Variants in LRP1B observed in about 807,000 individuals in gnomAD.
LRP1B encodes the protein LDL receptor related protein 1B, also known as low-density lipoprotein receptor-related protein 1B.
LRP1B carries 217 observed loss-of-function variants against 556.6 expected under a neutral mutation model. The observed-to-expected ratio is 0.39, with a 90% CI of 0.35 to 0.44. The LOEUF is 0.44. Among genes scored for constraint, LRP1B ranks in the 20% least tolerant of loss-of-function variants. LRP1B has a pLI of 1.00. For synonymous variants in LRP1B, 2,047 were observed against 1,865.8 expected (o/e 1.10, Z -2.50); for missense variants, 5,053 against 5,620.8 (o/e 0.90, Z 3.23).
chr2:141,770,480 C>T (rs1023902427), intron 2 of LRP1B, among the ~76,000 whole-genome samples: 2 of 152,196 alleles, frequency 1.3e-5, no homozygotes, highest in African/African-American at 4.8e-5. Context: ...TACCCTGAGT[C>T]ATTTCACTAA....
chr2:140,274,558 G>T lies in LRP1B; in HGVS notation c.13008C>A (p.Thr4336=), dbSNP rs1682592350. 1.9e-6 allele frequency: 3 copies of T among 1,612,132 alleles called. No homozygotes were observed. The highest frequency in any genetic ancestry group is 2.5e-6 in the Non-Finnish European group (3 of 1,178,982). The change falls in exon 85 of 91, where the codon ACC becomes ACA. Residue 4336 remains threonine (T), a synonymous_variant. Transcript: ENST00000389484. The part of the protein sequence containing the change: ...HHYCVNSESC[T]IGDDGSVECV... ...ATTCAACACTTCCATCATCCCCAATGGTACATGATTCAGAATTCACACAAT... is the reference window on the plus strand; with the variant it reads ...ATTCAACACTTCCATCATCCCCAATTGTACATGATTCAGAATTCACACAAT...
At chr2:141,259,322 C>T (rs1263801731) in intron 3 of LRP1B, among the ~76,000 whole-genome samples, 1 of 151,984 alleles carries the variant, frequency 6.6e-6, no homozygotes, top group Admixed American at 6.6e-5. Context: ...TAATTTCAGG[C>T]TATATGAGTG....
intron 35 of LRP1B, among the ~76,000 whole-genome samples, chr2:140,749,780 G>C (rs1688506574): frequency 6.6e-6 from 1 of 152,064 alleles, no homozygotes; most frequent in Non-Finnish European, 1.5e-5. Context: ...AACAAGTACA[G>C]TTAATACATA....
intron 2 of LRP1B, among the ~76,000 whole-genome samples, chr2:141,808,764 A>G (rs529732100): frequency 6.6e-6 from 1 of 152,044 alleles, no homozygotes; most frequent in Non-Finnish European, 1.5e-5. Context: ...CACCCTACCT[A>G]GCCCCTGGCA....
chr2:141,018,962 T>G (rs373603809), intron 12 of LRP1B, among the ~76,000 whole-genome samples: 10 of 152,188 alleles, frequency 6.6e-5, no homozygotes, highest in African/African-American at 2.4e-4. Flanking sequence ...ACAATATGTA[T>G]TTTTTGTATG....
At chr2:141,977,319 C>T (rs775849820) in intron 1 of LRP1B, among the ~76,000 whole-genome samples, 5 of 152,130 alleles carry the variant, frequency 3.3e-5, no homozygotes, top group African/African-American at 1.2e-4. Context: ...CGACTATAAT[C>T]CCAGCACTTT....
At chr2:140,363,878 C>T (rs558973956) in intron 72 of LRP1B, among the ~76,000 whole-genome samples, 18 of 151,616 alleles carry the variant, frequency 1.2e-4, no homozygotes, top group African/African-American at 4.3e-4. Context: ...CCTGGTGTGC[C>T]ACTGAGTTAT....
chr2:140,581,062 G>C (rs896725239), intron 43 of LRP1B, among the ~76,000 whole-genome samples: 1 of 152,162 alleles, frequency 6.6e-6, no homozygotes, highest in Non-Finnish European at 1.5e-5. Flanking sequence ...TATCAGCAGG[G>C]TGAGTCCTCC....
chr2:140,266,079 T>G (rs1469840347), intron 86 of LRP1B, among the ~76,000 whole-genome samples: 1 of 152,024 alleles, frequency 6.6e-6, no homozygotes, highest in African/African-American at 2.4e-5. Context: ...CAAAATAGTC[T>G]TCTTAAATAC....
chr2:141,482,951 TG>T (rs1682976465), intron 2 of LRP1B, among the ~76,000 whole-genome samples: 2 of 27,066 alleles, frequency 7.4e-5, no homozygotes, highest in South Asian at 6.8e-3. Context: ...TGTTTTGTTT[TG>T]TTTTTTTATT....
intron 2 of LRP1B, among the ~76,000 whole-genome samples, chr2:141,686,146 T>A (rs562483250): frequency 6.6e-6 from 1 of 151,998 alleles, no homozygotes. Context: ...TTCTTAATAA[T>A]CTCTCATAGA....
intron 11 of LRP1B, among the ~76,000 whole-genome samples, chr2:141,047,336 G>T (rs1380128317): frequency 1.3e-5 from 2 of 151,924 alleles, no homozygotes; most frequent in African/African-American, 4.8e-5. Context: ...GACAAAAACA[G>T]GTACGTTTTT....
Position 141,908,685 on chromosome 2 carries a change from A to G in LRP1B, c.83-98284T>C, listed in dbSNP as rs556855081. ...ATGAATACTTCTAATAATATCCTCT[A>G]AGTAAATTCCTGGTGATGGAATGGC... On this transcript the variant is annotated intron_variant, in intron 1 of 90. Coordinates refer to ENST00000389484, the MANE Select transcript of LRP1B (RefSeq NM_018557.3). Among the ~76,000 whole-genome samples, 3 of 152,190 alleles carry G rather than the reference A, an allele frequency of 2.0e-5. No homozygotes were observed. In the South Asian group the frequency reaches 6.2e-4, roughly 32 times the overall value.
At chr2:141,632,103 T>A (rs1688936521) in intron 2 of LRP1B, among the ~76,000 whole-genome samples, 1 of 152,008 alleles carries the variant, frequency 6.6e-6, no homozygotes, top group Non-Finnish European at 1.5e-5. Flanking sequence ...TTTGTATTTT[T>A]TGTAGAGATG....
chr2:141,606,318 A>ATATT (rs1687916223), intron 2 of LRP1B, among the ~76,000 whole-genome samples: 1 of 152,212 alleles, frequency 6.6e-6, no homozygotes, highest in Non-Finnish European at 1.5e-5. Context: ...GCAGGTAATA[A>ATATT]TATTTATTTA....
At chr2:140,891,143 C>T (rs1250817292) in intron 23 of LRP1B, among the ~76,000 whole-genome samples, 3 of 152,210 alleles carry the variant, frequency 2.0e-5, no homozygotes, top group East Asian at 3.9e-4. Context: ...TAAAGGAGGT[C>T]ACAATTTATA....
chr2:140,325,707 A>T, intron 80 of LRP1B, 55 bp downstream of exon 80: 2 of 1,135,470 alleles, frequency 1.8e-6, no homozygotes, highest in Non-Finnish European at 2.6e-6. Flanking sequence ...TTTTTGTATT[A>T]GTATTTAACA....
At chr2:142,129,416 A>G (rs2105025687) in intron 1 of LRP1B, among the ~76,000 whole-genome samples, 1 of 152,342 alleles carries the variant, frequency 6.6e-6, no homozygotes, top group South Asian at 2.1e-4. Context: ...CTGGCTGCCA[A>G]CAGCAGGTTG....
intron 1 of LRP1B, among the ~76,000 whole-genome samples, chr2:142,106,995 A>G (rs1217166451): frequency 6.6e-6 from 1 of 152,116 alleles, no homozygotes; most frequent in Non-Finnish European, 1.5e-5. Flanking sequence ...CTTCATATTT[A>G]AGACAAAAAT....
Sources: allele counts gnomAD v4.1 joint callset (sites outside exome capture counted in the v4.1 genomes callset), GRCh38; gene constraint gnomAD v4.1.1; transcripts MANE v1.5; gene names NCBI Gene and HGNC (gene_info 2026-07-23, HGNC 2026-07-21).